The following LRBA variants were observed in gnomAD, a reference collection of about 807,000 sequenced individuals.
LRBA encodes the protein lipopolysaccharide-responsive and beige-like anchor protein.
Under a neutral mutation model 330.0 loss-of-function variants are expected in LRBA, and 176 were observed. That is an observed-to-expected ratio of 0.53 (90% CI 0.47 to 0.60). The LOEUF is 0.60. Ranked by LOEUF, LRBA falls within the 20% of genes least tolerant of loss-of-function variation. The pLI is 0.00. For missense variants in LRBA, 3,259 were observed against 3,444.8 expected (o/e 0.95, Z 1.35); for synonymous variants, 1,230 against 1,193.0 (o/e 1.03, Z -0.64).
intron 2 of LRBA, among the ~76,000 whole-genome samples, chr4:151,006,903 A>G (rs1744130280): frequency 6.6e-6 from 1 of 152,234 alleles, no homozygotes; most frequent in Non-Finnish European, 1.5e-5. Context: ...TCTACTCATG[A>G]TAGCTAGTAA....
chr4:150,328,411 T>G (rs530244673), intron 48 of LRBA, among the ~76,000 whole-genome samples: 6 of 152,248 alleles, frequency 3.9e-5, no homozygotes, highest in African/African-American at 1.4e-4. Flanking sequence ...TTTTTTATCT[T>G]TCTCTCTTGT....
intron 40 of LRBA, among the ~76,000 whole-genome samples, chr4:150,519,348 A>G (rs1762680825): frequency 6.6e-6 from 1 of 152,130 alleles, no homozygotes; most frequent in Non-Finnish European, 1.5e-5. Flanking sequence ...CATCCCAGAA[A>G]GGTTGCTCAC....
intron 30 of LRBA, among the ~76,000 whole-genome samples, chr4:150,820,963 T>C (rs1272017807): frequency 6.6e-6 from 1 of 152,216 alleles, no homozygotes; most frequent in East Asian, 1.9e-4. Flanking sequence ...TACCTTTTTA[T>C]ACAATGCATT....
intron 40 of LRBA, among the ~76,000 whole-genome samples, chr4:150,512,421 G>C (rs1027227659): frequency 6.6e-6 from 1 of 152,100 alleles, no homozygotes; most frequent in African/African-American, 2.4e-5. Flanking sequence ...AACTTCCAAC[G>C]TGATGGCAAC....
At chr4:150,789,700 T>C (rs906884948) in intron 34 of LRBA, among the ~76,000 whole-genome samples, 2 of 152,188 alleles carry the variant, frequency 1.3e-5, no homozygotes, top group Non-Finnish European at 2.9e-5. Flanking sequence ...TCAGAGAGTT[T>C]GGTATTAAAC....
chr4:150,362,411 C>T (rs1738845341), intron 47 of LRBA, among the ~76,000 whole-genome samples: 1 of 152,124 alleles, frequency 6.6e-6, no homozygotes, highest in Non-Finnish European at 1.5e-5. Context: ...TAAAATTTCC[C>T]TTTTCAATCC....
intron 37 of LRBA, among the ~76,000 whole-genome samples, chr4:150,624,278 C>A (rs998442866): frequency 2.0e-4 from 29 of 145,520 alleles, no homozygotes; most frequent in Non-Finnish European, 1.9e-4. Flanking sequence ...TGCCTTTCCT[C>A]TGTATAACAA....
intron 34 of LRBA, among the ~76,000 whole-genome samples, chr4:150,778,837 T>C (rs1737780322): frequency 6.6e-6 from 1 of 152,196 alleles, no homozygotes; most frequent in South Asian, 2.1e-4. Flanking sequence ...AGGTCTGAAG[T>C]CAAGTCTTTA....
At chr4:150,514,476 A>G (rs1762137504) in intron 40 of LRBA, among the ~76,000 whole-genome samples, 1 of 152,144 alleles carries the variant, frequency 6.6e-6, no homozygotes, top group African/African-American at 2.4e-5. Flanking sequence ...CTGTGGTTTT[A>G]TCTGCACAAG....
intron 40 of LRBA, among the ~76,000 whole-genome samples, chr4:150,507,402 A>G (rs1561279226): frequency 6.6e-6 from 1 of 152,088 alleles, no homozygotes; most frequent in South Asian, 2.1e-4. Context: ...GGAACAGAAC[A>G]GAGCCCTCAG....
Position 150,588,102 on chromosome 4 carries a change from T to C in LRBA, c.6276A>G (p.Glu2092=). The part of the protein sequence containing the change: ...VKGTLSVTSS[E]LYFEVDEEDP... ...CCTCTTCATCCACCTCAAAATAGAG[T>C]TCGGAGGAGGTGACAGAAAGAGTGC... is the stretch of plus-strand genomic sequence containing the variant. The change falls in exon 40 of 57, where the codon GAA becomes GAG. Residue 2092 remains glutamate (E), a synonymous_variant. Transcript: ENST00000651943. The C allele has an allele frequency of 6.2e-7, 1 of 1,612,558 alleles. No individual in the cohort carries two copies. The highest frequency in any genetic ancestry group is 8.5e-7 in the Non-Finnish European group (1 of 1,179,356).
chr4:150,292,850 A>G (rs1255165138), intron 53 of LRBA, among the ~76,000 whole-genome samples: 1 of 152,170 alleles, frequency 6.6e-6, no homozygotes, highest in Non-Finnish European at 1.5e-5. Flanking sequence ...AGTCCATACC[A>G]CTTGTAACAA....
At chr4:150,287,991 A>ATTT (rs1318054945) in intron 53 of LRBA, among the ~76,000 whole-genome samples, 4 of 144,776 alleles carry the variant, frequency 2.8e-5, no homozygotes, top group Admixed American at 2.1e-4. Flanking sequence ...GGATCCACAA[A>ATTT]TTTTTTTTTT....
Position 150,321,198 on chromosome 4 carries a change from G to A in LRBA, c.7623C>T (p.Asn2541=), listed in dbSNP as rs758608400. The change falls in exon 50 of 57, where the codon AAC becomes AAT. Residue 2541 remains asparagine, a synonymous_variant. Transcript: ENST00000651943. The surrounding 1 kb of genome is among the most constrained non-coding windows in gnomAD (Gnocchi z 4.5). The part of the protein sequence containing the change: ...NRLFAVNKWH[N]LPAHQGAVQD... ...TGGTATTTCTTTACTTACCAGGAAGGTTGTGCCATTTGTTCACCGCAAATA... is the reference window on the plus strand; with the variant it reads ...TGGTATTTCTTTACTTACCAGGAAGATTGTGCCATTTGTTCACCGCAAATA... 9.9e-6 allele frequency: 16 copies of A among 1,608,392 alleles called. No individual in the cohort carries two copies. The highest frequency in any genetic ancestry group is 5.4e-5 in the African/African-American group (4 of 74,642).
intron 23 of LRBA, 104 bp downstream of exon 23, chr4:150,851,781 T>C: frequency 8.4e-7 from 1 of 1,197,472 alleles, no homozygotes; most frequent in South Asian, 1.9e-5. Flanking sequence ...TAGTTGTGAA[T>C]AGCATGTGAA....
At chr4:150,813,261 G>C (rs1744053011) in intron 31 of LRBA, among the ~76,000 whole-genome samples, 1 of 151,582 alleles carries the variant, frequency 6.6e-6, no homozygotes, top group South Asian at 2.1e-4. Flanking sequence ...AAAATTTCTA[G>C]ATTTTGATAT....
At position 150,583,824 on chromosome 4, in the gene LRBA, C is replaced by T. The variant is rs748345446; in HGVS notation, c.6330+4224G>A. 5 of 1,614,202 alleles carry T rather than the reference C, an allele frequency of 3.1e-6. No homozygotes were observed. Among genetic ancestry groups the T allele is most frequent in the South Asian group, 1.1e-5 (1 of 91,080 alleles). ...TGCGGGACCGCCACCTGGAGCTACC[C>T]GGCCAGCCGCTCAACAACTACCACA... On this transcript the variant is annotated intron_variant, in intron 40 of 56. Coordinates refer to ENST00000651943, the MANE Select transcript of LRBA (RefSeq NM_001364905.1). This position sits in a 1 kb window ranked among gnomAD's most constrained non-coding sequence, Gnocchi z 9.8.
chr4:150,351,730 C>G (rs2151821608), intron 47 of LRBA, among the ~76,000 whole-genome samples: 1 of 152,230 alleles, frequency 6.6e-6, no homozygotes, highest in Non-Finnish European at 1.5e-5. Context: ...GTAATCCCCC[C>G]TCATCCACAG....
intron 23 of LRBA, 101 bp from the exon 24 acceptor site, chr4:150,851,003 GT>G: frequency 2.6e-6 from 2 of 770,336 alleles, no homozygotes; most frequent in Non-Finnish European, 2.0e-6. Flanking sequence ...CATCTAACAC[GT>G]TTTTAAGACA....
Sources: gnomAD v4.1 joint callset for allele counts (sites outside exome capture counted in the v4.1 genomes callset) on GRCh38, gnomAD v4.1.1 for gene constraint, Gnocchi (gnomAD v3.1) non-coding constraint, MANE v1.5 for transcripts, NCBI Gene and HGNC (gene_info 2026-07-23, HGNC 2026-07-21) for gene names.